The following HDAC4 variants were observed in gnomAD, a reference collection of about 807,000 sequenced individuals.
HDAC4 encodes histone deacetylase 4, also known as histone deacetylase A.
In HDAC4, 16 loss-of-function variants were observed where a neutral mutation model predicts 135.1. The observed-to-expected ratio is 0.12, with a 90% confidence interval of 0.08 to 0.18. The LOEUF (loss-of-function observed/expected upper bound fraction) is 0.18. Ranked by LOEUF, HDAC4 falls within the 10% of genes least tolerant of loss-of-function variation. The pLI, the probability that HDAC4 is intolerant of heterozygous loss-of-function variation, is 1.00. For missense variants in HDAC4, 1,143 were observed against 1,511.8 expected (o/e 0.76, Z 4.05); for synonymous variants, 685 against 653.4 (o/e 1.05, Z -0.74).
chr2:239,303,481 G>A lies in HDAC4; in HGVS notation c.22+49197C>T, dbSNP rs2125638436. On this transcript the variant is annotated intron_variant, in intron 2 of 26. Coordinates refer to ENST00000543185, the MANE Select transcript of HDAC4 (RefSeq NM_001378414.1). The surrounding 1 kb of genome is among the most constrained non-coding windows in gnomAD (Gnocchi z 5.1). ...CACAAGCACCCCACGAACAAGACAC[G>A]GCAGCGTGCTTCCTCGATCTCCCCG... 6.6e-6 allele frequency among the ~76,000 whole-genome samples: 1 copy of A among 152,146 alleles called. No homozygotes were observed. Among genetic ancestry groups the A allele is most frequent in the South Asian group, 2.1e-4 (1 of 4,802 alleles).
Position 239,108,185 on chromosome 2 carries a change from TG to T in HDAC4, c.1979-3del. The stretch of plus-strand genomic sequence containing the variant: ...GCATCAGCGTGTCATACACGAGGCC[TG>T]GGGCGGGGCAGAGGGGCCAAGATCA... On this transcript the variant is annotated splice_region_variant and splice_polypyrimidine_tract_variant and intron_variant, in intron 14 of 26. Transcript: ENST00000543185. The T allele has an allele frequency of 6.3e-7, 1 of 1,597,204 alleles. No individual in the cohort carries two copies. The highest frequency in any genetic ancestry group is 8.5e-7 in the Non-Finnish European group (1 of 1,173,184).
rs574451549 is a variant in HDAC4 at position 239,349,057 on chromosome 2, C to T, written c.22+3621G>A. Among the ~76,000 whole-genome samples, 8 of 152,328 alleles carry T rather than the reference C, an allele frequency of 5.3e-5. No individual in the cohort carries two copies. The highest frequency in any genetic ancestry group is 2.6e-4 in the Admixed American group (4 of 15,304). ...ACAAATGTGAGAGGGGGCCCATGGGCGGCTGGACTCCCCCAGCCCGGCCTG... is the reference window on the plus strand; with the variant it reads ...ACAAATGTGAGAGGGGGCCCATGGGTGGCTGGACTCCCCCAGCCCGGCCTG... On this transcript the variant is annotated intron_variant, in intron 2 of 26. Transcript: ENST00000543185. The surrounding 1 kb of genome is among the most constrained non-coding windows in gnomAD (Gnocchi z 5.7).
intron 4 of HDAC4, among the ~76,000 whole-genome samples, chr2:239,184,823 A>AG (rs1329480700): frequency 1.5e-4 from 4 of 26,328 alleles, no homozygotes; most frequent in Non-Finnish European, 3.4e-4. Context: ...TCTGTCCTGG[A>AG]GACTGTGTCC....
chr2:239,267,775 G>A (rs573457497), intron 2 of HDAC4, among the ~76,000 whole-genome samples: 28 of 152,374 alleles, frequency 1.8e-4, no homozygotes, highest in African/African-American at 6.3e-4. Flanking sequence ...GCATCCCCTC[G>A]CAGGCTTCTC....
intron 4 of HDAC4, among the ~76,000 whole-genome samples, chr2:239,185,487 G>T (rs2153031848): frequency 6.6e-6 from 1 of 151,778 alleles, no homozygotes; most frequent in Non-Finnish European, 1.5e-5. Context: ...CCCTGCAGGG[G>T]GTGCCCCGTG....
intron 24 of HDAC4, among the ~76,000 whole-genome samples, chr2:239,061,932 G>C (rs2032800886): frequency 1.3e-5 from 2 of 152,218 alleles, no homozygotes; most frequent in African/African-American, 4.8e-5. Context: ...CCTGCTTTGG[G>C]CATGGTCTCA....
At chr2:239,085,408 C>T (rs774475687) in intron 19 of HDAC4, among the ~76,000 whole-genome samples, 114 of 152,198 alleles carry the variant, frequency 7.5e-4, no homozygotes, top group Non-Finnish European at 4.0e-4. Context: ...TTTCAGAATC[C>T]GGGCTGGCAT....
intron 2 of HDAC4, among the ~76,000 whole-genome samples, chr2:239,265,965 A>C (rs1036306713): frequency 1.3e-5 from 2 of 152,152 alleles, no homozygotes; most frequent in Non-Finnish European, 2.9e-5. Context: ...CTGCCTGTCC[A>C]TCCTCATACA....
chr2:239,165,484 G>C (rs2043069277), intron 5 of HDAC4, among the ~76,000 whole-genome samples: 1 of 151,204 alleles, frequency 6.6e-6, no homozygotes, highest in Non-Finnish European at 1.5e-5. Context: ...TTGTGGGTCT[G>C]TGTGTGTGTG....
chr2:239,207,248 A>G (rs2153087466), intron 3 of HDAC4, among the ~76,000 whole-genome samples: 1 of 152,352 alleles, frequency 6.6e-6, no homozygotes, highest in Non-Finnish European at 1.5e-5. Context: ...GTTTACTATA[A>G]TTAGAGGAAA....
At chr2:239,269,838 G>A (rs967201217) in intron 2 of HDAC4, among the ~76,000 whole-genome samples, 3 of 152,198 alleles carry the variant, frequency 2.0e-5, no homozygotes, top group African/African-American at 7.2e-5. Context: ...ACACACAACA[G>A]TATAATTACA....
intron 22 of HDAC4, among the ~76,000 whole-genome samples, chr2:239,072,792 G>A (rs2034329213): frequency 6.6e-6 from 1 of 152,234 alleles, no homozygotes; most frequent in Admixed American, 6.5e-5. Context: ...AAAATTCAAT[G>A]TGACCCCTTT....
chr2:239,239,003 C>A (rs1345859114), intron 2 of HDAC4, among the ~76,000 whole-genome samples: 1 of 152,214 alleles, frequency 6.6e-6, no homozygotes, highest in Non-Finnish European at 1.5e-5. Flanking sequence ...GGATTCCCTG[C>A]GTAAACCAGA....
At chr2:239,140,293 T>G (rs2041270702) in intron 8 of HDAC4, among the ~76,000 whole-genome samples, 1 of 152,212 alleles carries the variant, frequency 6.6e-6, no homozygotes, top group South Asian at 2.1e-4. Flanking sequence ...CAGTGTCTCC[T>G]GAGATCTATC....
chr2:239,184,598 C>T (rs185841113), intron 4 of HDAC4, among the ~76,000 whole-genome samples: 89 of 135,166 alleles, frequency 6.6e-4, no homozygotes, highest in African/African-American at 2.4e-3. Context: ...GGGGGTCCCT[C>T]AGTGTCTGTC....
At chr2:239,296,684 T>C (rs1254833265) in intron 2 of HDAC4, among the ~76,000 whole-genome samples, 2 of 152,166 alleles carry the variant, frequency 1.3e-5, no homozygotes, top group African/African-American at 4.8e-5. Flanking sequence ...ACTGCTTAAA[T>C]GTGTCCCCAG....
chr2:239,277,332 G>T (rs929968405), intron 2 of HDAC4, among the ~76,000 whole-genome samples: 1 of 152,226 alleles, frequency 6.6e-6, no homozygotes, highest in African/African-American at 2.4e-5. Flanking sequence ...AGGGTGAGAG[G>T]TGGGGAGAGG....
rs114478475 is a variant in HDAC4, at chr2:239,224,471, C to T, written c.94+12122G>A. ...ACCCGGCCTTTTATGTCTCCCGCACCGCCCACTCCCTCTTCTCCTGACCAG... is the reference window on the plus strand; with the variant it reads ...ACCCGGCCTTTTATGTCTCCCGCACTGCCCACTCCCTCTTCTCCTGACCAG... On this transcript the variant is annotated intron_variant, in intron 3 of 26. Coordinates refer to ENST00000543185, the MANE Select transcript of HDAC4 (RefSeq NM_001378414.1). Among the ~76,000 whole-genome samples the T allele has an allele frequency of 3.9e-3, 596 of 152,314 alleles. 3 individuals carry two copies. The highest frequency in any genetic ancestry group is 0.014 in the African/African-American group (569 of 41,560).
rs1369788802 is a variant in HDAC4 at position 239,303,454 on chromosome 2, G to A, written c.22+49224C>T. 1.3e-5 allele frequency among the ~76,000 whole-genome samples: 2 copies of A among 152,022 alleles called. No individual in the cohort carries two copies. The highest frequency in any genetic ancestry group is 4.8e-5 in the African/African-American group (2 of 41,412). ...GGCCCACAGGGCATCCTGCGAGAGCGTCACAAGCACCCCACGAACAAGACA... is the reference window on the plus strand; with the variant it reads ...GGCCCACAGGGCATCCTGCGAGAGCATCACAAGCACCCCACGAACAAGACA... On this transcript the variant is annotated intron_variant, in intron 2 of 26. Coordinates refer to ENST00000543185, the MANE Select transcript of HDAC4 (RefSeq NM_001378414.1). The surrounding 1 kb of genome is among the most constrained non-coding windows in gnomAD (Gnocchi z 5.1).
Sources: gnomAD v4.1 joint callset for allele counts (sites outside exome capture counted in the v4.1 genomes callset) on GRCh38, gnomAD v4.1.1 for gene constraint, Gnocchi (gnomAD v3.1) non-coding constraint, MANE v1.5 for transcripts, NCBI Gene and HGNC (gene_info 2026-07-23, HGNC 2026-07-21) for gene names.